LOXHD1: variants seen among roughly 807,000 people sequenced by gnomAD.
The protein encoded by LOXHD1 is lipoxygenase homology PLAT domains 1, also known as lipoxygenase homology domain-containing protein 1.
In LOXHD1, 205 loss-of-function variants were observed where a neutral mutation model predicts 248.2. That is an observed-to-expected ratio of 0.83 (90% CI 0.74 to 0.93). The LOEUF is 0.93. Among genes scored for constraint, LOXHD1 ranks in the 40% least tolerant of loss-of-function variants. The probability of loss-of-function intolerance (pLI) is 0.00; values close to 1 mark genes in which losing one functional copy is unlikely to be tolerated. For synonymous variants in LOXHD1, 1,113 were observed against 1,162.8 expected (o/e 0.96, Z 0.87); for missense variants, 2,930 against 2,971.6 (o/e 0.99, Z 0.33).
At chr18:46,484,022 G>A (rs2032820902) in intron 39 of LOXHD1, among the ~76,000 whole-genome samples, 1 of 152,152 alleles carries the variant, frequency 6.6e-6, no homozygotes, top group South Asian at 2.1e-4. Context: ...GAGACTTGGA[G>A]AGCAGAGGGA....
chr18:46,555,302 G>A, intron 21 of LOXHD1: 2 of 421,108 alleles, frequency 4.7e-6, no homozygotes, highest in Admixed American at 5.3e-5. Context: ...CCATAAAGAT[G>A]GCATGACTTG....
At chr18:46,618,166 T>C in intron 5 of LOXHD1, 26 bp downstream of exon 5, 3 of 1,519,662 alleles carry the variant, frequency 2.0e-6, no homozygotes, top group Non-Finnish European at 2.7e-6. Context: ...GCTTGGCTTA[T>C]GAAAAAAATA....
chr18:46,569,902 A>G (rs1487399227), intron 15 of LOXHD1, among the ~76,000 whole-genome samples: 1 of 152,246 alleles, frequency 6.6e-6, no homozygotes, highest in Non-Finnish European at 1.5e-5. Context: ...GGCTTAGAGC[A>G]GGAAAGCGTG....
At chr18:46,484,989 CA>C in intron 39 of LOXHD1, 29 bp downstream of exon 39, 1 of 1,546,016 alleles carries the variant, frequency 6.5e-7, no homozygotes, top group Non-Finnish European at 8.8e-7. Context: ...ACCCACCCCC[CA>C]CCACTTCCCA....
intron 20 of LOXHD1, chr18:46,559,217 G>T: frequency 6.7e-7 from 1 of 1,489,142 alleles, no homozygotes; most frequent in Non-Finnish European, 8.9e-7. Flanking sequence ...GTTTGTTCCT[G>T]TGGGTCAGCT....
chr18:46,488,323 G>A (rs2033215011), intron 38 of LOXHD1, among the ~76,000 whole-genome samples: 1 of 152,210 alleles, frequency 6.6e-6, no homozygotes, highest in South Asian at 2.1e-4. Context: ...AGTGAAAAAT[G>A]TTTTGTTGTG....
At chr18:46,627,155 G>A (rs113188265) in intron 4 of LOXHD1, among the ~76,000 whole-genome samples, 5 of 152,280 alleles carry the variant, frequency 3.3e-5, no homozygotes, top group Admixed American at 1.3e-4. Context: ...AGAAACAGTC[G>A]AAAGTTCCTG....
intron 4 of LOXHD1, among the ~76,000 whole-genome samples, chr18:46,627,080 T>C (rs1483796164): frequency 6.6e-6 from 1 of 152,244 alleles, no homozygotes. Context: ...ATATTTTTTC[T>C]GTGATTGAAA....
chr18:46,537,466 G>C (rs760595724), intron 26 of LOXHD1, among the ~76,000 whole-genome samples: 6 of 152,140 alleles, frequency 3.9e-5, no homozygotes, highest in Non-Finnish European at 8.8e-5. Context: ...TGGGAGGACT[G>C]GGGTCCCCAA....
chr18:46,570,426 T>A (rs2037729852), intron 15 of LOXHD1, among the ~76,000 whole-genome samples: 1 of 152,198 alleles, frequency 6.6e-6, no homozygotes, highest in Admixed American at 6.5e-5. Flanking sequence ...ACTGACACCG[T>A]AGGGTCCTCC....
chr18:46,540,040 A>G (rs2036487754), intron 25 of LOXHD1, among the ~76,000 whole-genome samples: 1 of 152,194 alleles, frequency 6.6e-6, no homozygotes, highest in Non-Finnish European at 1.5e-5. Context: ...AAGACTTCCT[A>G]CATGTCAGAC....
At position 46,522,116 on chromosome 18, in the gene LOXHD1, GA is replaced by G; in HGVS notation, c.5069del (p.Ile1690ThrfsTer5). On this transcript the variant is annotated frameshift_variant, in exon 32 of 41. Coordinates refer to ENST00000642948, the MANE Select transcript of LOXHD1 (RefSeq NM_001384474.1). LOFTEE classifies it high-confidence loss of function. Reference protein sequence around the residue: ...EFYVAGLDVGIIKKIELGHDG... With the variant: ...EFYVAGLDVGXIKKIELGHDG... ...AAGCCAGCACCTCTATTTTCTTGATGATGCCCACATCCAAGCCTGCGACGTA... is the reference window on the plus strand; with the variant it reads ...AAGCCAGCACCTCTATTTTCTTGATGTGCCCACATCCAAGCCTGCGACGTA... The G allele has an allele frequency of 6.5e-7, 1 of 1,543,290 alleles. No individual in the cohort carries two copies. Among genetic ancestry groups the G allele is most frequent in the South Asian group, 1.2e-5 (1 of 83,936 alleles).
chr18:46,642,736 G>A (rs2038978912), intron 2 of LOXHD1, among the ~76,000 whole-genome samples: 1 of 152,234 alleles, frequency 6.6e-6, no homozygotes, highest in African/African-American at 2.4e-5. Flanking sequence ...CAGGAGGGCT[G>A]CAGCAGCCTC....
chr18:46,594,889 T>C (rs962132195), intron 8 of LOXHD1, among the ~76,000 whole-genome samples: 8 of 152,198 alleles, frequency 5.3e-5, no homozygotes, highest in Non-Finnish European at 1.0e-4. Context: ...TTCTCTCTTT[T>C]AGGCTTGATC....
At chr18:46,584,719 C>G (rs568863473) in intron 12 of LOXHD1, among the ~76,000 whole-genome samples, 1 of 152,152 alleles carries the variant, frequency 6.6e-6, no homozygotes, top group African/African-American at 2.4e-5. Flanking sequence ...AACTCATTTT[C>G]TGAGGCCAGC....
chr18:46,577,804 C>T lies in LOXHD1; in HGVS notation c.1873G>A (p.Asp625Asn), dbSNP rs2063664738. The T allele has an allele frequency of 4.5e-6, 7 of 1,551,680 alleles. No homozygotes were observed. Among genetic ancestry groups the T allele is most frequent in the Middle Eastern group, 1.7e-4 (1 of 5,992 alleles). The change falls in exon 14 of 41, where the codon GAT (aspartate) becomes AAT (asparagine). Residue 625 changes from aspartate (D) to asparagine (N), a missense_variant. Physicochemically the swap from Asp to Asn is conservative, Grantham distance 23. Coordinates refer to ENST00000642948, the MANE Select transcript of LOXHD1 (RefSeq NM_001384474.1). ...RNVRRVRIRHDGKGSGSGWYL... is the reference protein window; with the variant it reads ...RNVRRVRIRHNGKGSGSGWYL... The stretch of plus-strand genomic sequence containing the variant: ...CAGCCGCTGCCGGAGCCTTTGCCAT[C>T]GTGTCTGATCCTCACCCGCCTCACA...
chr18:46,573,692 T>C (rs1428934405), intron 14 of LOXHD1, among the ~76,000 whole-genome samples: 1 of 152,150 alleles, frequency 6.6e-6, no homozygotes, highest in Non-Finnish European at 1.5e-5. Context: ...TCCCCAAGGC[T>C]GACGGAGGCA....
At chr18:46,514,557 G>A (rs1242295679) in intron 34 of LOXHD1, among the ~76,000 whole-genome samples, 2 of 152,194 alleles carry the variant, frequency 1.3e-5, no homozygotes, top group Non-Finnish European at 2.9e-5. Context: ...GCTTACTACA[G>A]CCCTAGACAT....
Position 46,557,431 on chromosome 18 carries a change from C to T in LOXHD1, c.3275G>A (p.Arg1092His), listed in dbSNP as rs757280331. 29 of 1,552,080 alleles carry T rather than the reference C, an allele frequency of 1.9e-5. No individual in the cohort carries two copies. The highest frequency in any genetic ancestry group is 8.3e-5 in the South Asian group (7 of 84,062). Reference protein sequence around the residue: ...DLGALTKIRIRHDNTGNRAGW... With the variant: ...DLGALTKIRIHHDNTGNRAGW... ...TGCTCTGTTGCCTGTGTTGTCGTGG[C>T]GAATCCGAATCTTGGTCAGGGCCCC... is the stretch of plus-strand genomic sequence containing the variant. Residue 1092 changes from arginine (R) to histidine (H), a missense_variant, in exon 21 of 41, where the codon CGC becomes CAC. Coordinates refer to ENST00000642948, the MANE Select transcript of LOXHD1 (RefSeq NM_001384474.1).
Sources: gnomAD v4.1 joint callset for allele counts (sites outside exome capture counted in the v4.1 genomes callset) on GRCh38, gnomAD v4.1.1 for gene constraint, MANE v1.5 for transcripts, NCBI Gene and HGNC (gene_info 2026-07-23, HGNC 2026-07-21) for gene names.